The following AP2A2 variants were observed in gnomAD, a reference collection of about 807,000 sequenced individuals.
The protein encoded by AP2A2 is AP-2 complex subunit alpha-2.
In AP2A2, 32 loss-of-function variants were observed where a neutral mutation model predicts 104.2. The observed-to-expected ratio is 0.31, with a 90% CI of 0.23 to 0.41. AP2A2 has a LOEUF of 0.41. AP2A2 is among the 10% of genes least tolerant of loss of function. The pLI, the probability that AP2A2 is intolerant of heterozygous loss-of-function variation, is 1.00. For synonymous variants in AP2A2, 539 were observed against 533.3 expected (o/e 1.01, Z -0.15); for missense variants, 912 against 1,261.0 (o/e 0.72, Z 4.19).
chr11:998,165 AT>A (rs1485555440), intron 14 of AP2A2, among the ~76,000 whole-genome samples: 1 of 152,126 alleles, frequency 6.6e-6, no homozygotes, highest in Non-Finnish European at 1.5e-5. Context: ...CGCCTTGGAT[AT>A]TTTTGGGACT....
chr11:995,752 CCCCTCCCTCCA>C (rs1257771988), intron 14 of AP2A2, among the ~76,000 whole-genome samples: 6 of 121,552 alleles, frequency 4.9e-5, no homozygotes, highest in Admixed American at 2.6e-4. Context: ...TCCTCCCTCT[CCCCTCCCTCCA>C]CCTAGTGTCC....
chr11:1,010,715 G>T lies in AP2A2; in HGVS notation c.*90G>T. 1 of 1,095,736 alleles carries T rather than the reference G, an allele frequency of 9.1e-7. No homozygotes were observed. The highest frequency in any genetic ancestry group is 2.6e-5 in the East Asian group (1 of 38,878). The allele number at this position is 1,095,736 out of a possible 1,614,324, so 67.9% of individuals were successfully genotyped here. On this transcript the variant is annotated 3_prime_UTR_variant, in exon 22 of 22. Coordinates refer to ENST00000448903, the MANE Select transcript of AP2A2 (RefSeq NM_012305.4). ...TGGCCATCCTGCAGATGAGCACCGT[G>T]TCCAGTGCCACAGCACAAGGCGCCT...
At chr11:997,956 C>CA (rs1285945991) in intron 14 of AP2A2, among the ~76,000 whole-genome samples, 1 of 152,202 alleles carries the variant, frequency 6.6e-6, no homozygotes, top group African/African-American at 2.4e-5. Flanking sequence ...TGAATCAGTG[C>CA]AGGAACCAGG....
chr11:1,006,935 C>G, intron 17 of AP2A2: 1 of 265,928 alleles, frequency 3.8e-6, no homozygotes. Flanking sequence ...GATCTTTAAA[C>G]CCCTCCTCTC....
At chr11:964,828 A>G (rs7396340) in intron 2 of AP2A2, among the ~76,000 whole-genome samples, 23,311 of 57,486 alleles carry the variant, frequency 0.41, 4,119 homozygotes, top group Middle Eastern at 0.53. Context: ...TGGAACGGGC[A>G]GGAAATTAAA....
At chr11:945,122 G>A (rs191990185) in intron 1 of AP2A2, among the ~76,000 whole-genome samples, 34 of 152,214 alleles carry the variant, frequency 2.2e-4, no homozygotes, top group African/African-American at 7.7e-4. Flanking sequence ...TCTGGAAAGG[G>A]TGGGCAGTCC....
intron 10 of AP2A2, among the ~76,000 whole-genome samples, chr11:989,269 G>T (rs941384156): frequency 5.3e-5 from 8 of 152,068 alleles, no homozygotes; most frequent in African/African-American, 1.7e-4. Context: ...GGAGGCGGAG[G>T]TTGTGGTGAG....
At chr11:959,253 C>T (rs915071801) in intron 1 of AP2A2, among the ~76,000 whole-genome samples, 184 bp from the exon 2 acceptor site, 1 of 152,246 alleles carries the variant, frequency 6.6e-6, no homozygotes, top group Non-Finnish European at 1.5e-5. Flanking sequence ...AGTCCCGGCC[C>T]CGGCCCTGCT....
intron 6 of AP2A2, among the ~76,000 whole-genome samples, chr11:982,373 T>C (rs1226637141): frequency 1.3e-5 from 2 of 152,190 alleles, no homozygotes; most frequent in Non-Finnish European, 2.9e-5. Context: ...AAATCTACAT[T>C]TTCCAGATTA....
At chr11:988,000 C>A (rs1007834979) in intron 9 of AP2A2, among the ~76,000 whole-genome samples, 1 of 152,232 alleles carries the variant, frequency 6.6e-6, no homozygotes, top group Non-Finnish European at 1.5e-5. Flanking sequence ...TTAGTCAATC[C>A]CTATTGTCAG....
Position 977,203 on chromosome 11 carries a change from C to A in AP2A2, c.582C>A (p.His194Gln), listed in dbSNP as rs374082996. The A allele has an allele frequency of 2.5e-6, 4 of 1,606,234 alleles. No homozygotes were observed. Among genetic ancestry groups the A allele is most frequent in the Non-Finnish European group, 3.4e-6 (4 of 1,174,996 alleles). Reference protein sequence around the residue: ...PMGDWTSRVVHLLNDQHLGVV... With the variant: ...PMGDWTSRVVQLLNDQHLGVV... ...GCGACTGGACATCCCGAGTGGTGCACCTGCTCAATGACCAGCACTTGGTAA... is the reference window on the plus strand; with the variant it reads ...GCGACTGGACATCCCGAGTGGTGCAACTGCTCAATGACCAGCACTTGGTAA... The change falls in exon 5 of 22, where the codon CAC becomes CAA. Residue 194 changes from histidine (H) to glutamine (Q), a missense_variant. Around this residue, in one of 7 missense-constraint regions of AP2A2, gnomAD observed 350 missense variants for 487.0 expected, o/e 0.72. Transcript: ENST00000448903.
intron 1 of AP2A2, among the ~76,000 whole-genome samples, chr11:948,788 AC>A (rs1459077608): frequency 2.0e-5 from 3 of 151,902 alleles, no homozygotes; most frequent in African/African-American, 7.3e-5. Flanking sequence ...AATCTCTTGA[AC>A]CCAGGAGGTA....
rs778022295 is a variant in AP2A2, at chr11:1,011,949, C to T, written c.*1324C>T. The T allele has an allele frequency of 2.4e-5, 4 of 166,876 alleles. No homozygotes were observed. The highest frequency in any genetic ancestry group is 4.8e-5 in the African/African-American group (2 of 41,574). 10.3% of individuals were successfully genotyped at this position (166,876 alleles called of 1,614,324 possible). ...AGCCACGTCAGTGGCGTGCGCCTCTCGCACAGGCCATTCTGGGTCTGGTGG... is the reference window on the plus strand; with the variant it reads ...AGCCACGTCAGTGGCGTGCGCCTCTTGCACAGGCCATTCTGGGTCTGGTGG... On this transcript the variant is annotated 3_prime_UTR_variant, in exon 22 of 22. Coordinates refer to ENST00000448903, the MANE Select transcript of AP2A2 (RefSeq NM_012305.4).
At chr11:1,006,891 T>C (rs1486278382) in intron 17 of AP2A2, 1 of 420,818 alleles carries the variant, frequency 2.4e-6, no homozygotes, top group Admixed American at 4.2e-5. Flanking sequence ...GTGAGTCCCT[T>C]TCCTTTTCAC....
intron 4 of AP2A2, among the ~76,000 whole-genome samples, chr11:973,675 C>T (rs1854911043): frequency 7.0e-6 from 1 of 142,134 alleles, no homozygotes; most frequent in Non-Finnish European, 1.5e-5. Flanking sequence ...GATCACAGGG[C>T]GCTGGTGCAG....
In AP2A2 at chr11:940,472, TTC is replaced by T. The variant is rs558804077; in HGVS notation, c.67+14386_67+14387del. 1.7e-3 allele frequency among the ~76,000 whole-genome samples: 248 copies of T among 149,670 alleles called. 2 individuals carry two copies. Among genetic ancestry groups the T allele is most frequent in the Middle Eastern group, 0.01 (3 of 292 alleles). ...TTTTCCTGCCTTTCTGCCTTTCGCG[TTC>T]TGTTTCCACGACTCTCAAGTTTGTC... is the stretch of plus-strand genomic sequence containing the variant. On this transcript the variant is annotated intron_variant, in intron 1 of 21. Transcript: ENST00000448903.
Position 928,385 on chromosome 11 carries a change from T to C in AP2A2, c.67+2297T>C, listed in dbSNP as rs147969058. On this transcript the variant is annotated intron_variant, in intron 1 of 21. Transcript: ENST00000448903. The stretch of plus-strand genomic sequence containing the variant: ...AGGTATGTGTGGGAAAAAAGCAGCT[T>C]GTATAGGATTTAGTATCATCTGAAG... Among the ~76,000 whole-genome samples, 106 of 152,358 alleles carry C rather than the reference T, an allele frequency of 7.0e-4. 3 individuals are homozygous for C. The highest frequency in any genetic ancestry group is 2.5e-3 in the African/African-American group (102 of 41,584).
At chr11:994,440 C>G (rs539482232) in intron 14 of AP2A2, among the ~76,000 whole-genome samples, 195 bp downstream of exon 14, 238 of 151,652 alleles carry the variant, frequency 1.6e-3, no homozygotes, top group African/African-American at 5.7e-3. Context: ...TCCTGGGGGC[C>G]ACTGTCCCTG....
chr11:956,975 A>G (rs535475065), intron 1 of AP2A2: 55 of 152,280 alleles, frequency 3.6e-4, no homozygotes, highest in African/African-American at 1.1e-3. Context: ...GACACCGTCT[A>G]CCTGGAGGTA....
Sources: gnomAD v4.1 joint callset for allele counts (sites outside exome capture counted in the v4.1 genomes callset) on GRCh38, gnomAD v4.1.1 for gene constraint, gnomAD v4.1.1 regional missense constraint, MANE v1.5 for transcripts, NCBI Gene and HGNC (gene_info 2026-07-23, HGNC 2026-07-21) for gene names.